Variants in NRDC observed in about 807,000 individuals in gnomAD.
The protein encoded by NRDC is nardilysin convertase.
NRDC carries 54 observed loss-of-function variants against 147.1 expected under a neutral mutation model. That is an observed-to-expected ratio of 0.37 (90% CI 0.29 to 0.46). The LOEUF (loss-of-function observed/expected upper bound fraction) is 0.46, where lower values mean the gene tolerates loss of function less well. Among genes scored for constraint, NRDC ranks in the 20% least tolerant of loss-of-function variants. The pLI, the probability that NRDC is intolerant of heterozygous loss-of-function variation, is 1.00. For synonymous variants in NRDC, 440 were observed against 482.1 expected (o/e 0.91, Z 1.14); for missense variants, 1,082 against 1,370.6 (o/e 0.79, Z 3.33).
intron 1 of NRDC, among the ~76,000 whole-genome samples, chr1:51,867,681 T>C (rs936746467): frequency 1.8e-4 from 28 of 152,158 alleles, no homozygotes; most frequent in African/African-American, 3.9e-4. Flanking sequence ...TGCTGATAGG[T>C]TGAGTAAGAT....
At chr1:51,829,002 T>C (rs138500002) in intron 4 of NRDC, among the ~76,000 whole-genome samples, 41 of 152,334 alleles carry the variant, frequency 2.7e-4, no homozygotes, top group African/African-American at 9.6e-4. Flanking sequence ...CTAGATATAT[T>C]GGGGCATTTT....
intron 1 of NRDC, among the ~76,000 whole-genome samples, chr1:51,876,974 G>A (rs1342309906): frequency 6.6e-6 from 1 of 151,948 alleles, no homozygotes; most frequent in African/African-American, 2.4e-5. Flanking sequence ...GGATCACAAG[G>A]TCAAGAGATC....
chr1:51,796,119 G>A (rs779647630), intron 22 of NRDC, among the ~76,000 whole-genome samples: 2 of 151,870 alleles, frequency 1.3e-5, no homozygotes, highest in Non-Finnish European at 2.9e-5. Flanking sequence ...GAGCTCAAGC[G>A]ATTCTGCCAC....
intron 11 of NRDC, 110 bp from the exon 12 acceptor site, chr1:51,814,923 C>T (rs1571861513): frequency 8.4e-7 from 1 of 1,185,644 alleles, no homozygotes. Context: ...GAAATCTCAG[C>T]CTTTGAATGT....
At chr1:51,829,276 G>C (rs1050033800) in intron 4 of NRDC, among the ~76,000 whole-genome samples, 11 of 152,156 alleles carry the variant, frequency 7.2e-5, no homozygotes, top group African/African-American at 2.7e-4. Context: ...CAGCTGCTGG[G>C]CTCAAGTGAT....
In NRDC at chr1:51,878,391, G is replaced by T. The variant is rs974257552; in HGVS notation, c.225C>A (p.Asn75Lys). ...CCGCTCCTAGACGGGCAACCCGGCT[G>T]TTCTCGCCCAGATCCTGTCCATTGG... ...LQPNGQDLGE[N>K]SRVARLGADE... is the part of the protein sequence containing the mutation. The change falls in exon 1 of 31, where the codon AAC becomes AAA. Residue 75 changes from asparagine (N) to lysine (K), a missense_variant. Around this residue, in one of 3 missense-constraint regions of NRDC, gnomAD observed 260 missense variants for 253.2 expected, o/e 1.03. Coordinates refer to ENST00000352171, the MANE Select transcript of NRDC (RefSeq NM_001101662.2). The T allele has an allele frequency of 6.2e-7, 1 of 1,614,058 alleles. No homozygotes were observed. Among genetic ancestry groups the T allele is most frequent in the African/African-American group, 1.3e-5 (1 of 74,916 alleles).
chr1:51,805,756 C>G (rs1368989498), intron 18 of NRDC, among the ~76,000 whole-genome samples, 195 bp from the exon 19 acceptor site: 1 of 152,068 alleles, frequency 6.6e-6, no homozygotes, highest in Non-Finnish European at 1.5e-5. Context: ...CCAAAAGGCA[C>G]TCTTTAATCT....
At chr1:51,856,466 G>T (rs970016181) in intron 1 of NRDC, among the ~76,000 whole-genome samples, 1 of 152,144 alleles carries the variant, frequency 6.6e-6, no homozygotes, top group African/African-American at 2.4e-5. Context: ...GGGTTCCCAC[G>T]ACCTCCTCTT....
At chr1:51,872,362 A>T (rs1683126744) in intron 1 of NRDC, among the ~76,000 whole-genome samples, 1 of 152,176 alleles carries the variant, frequency 6.6e-6, no homozygotes, top group Non-Finnish European at 1.5e-5. Context: ...AACTTCAGTT[A>T]GAAACAATAT....
chr1:51,836,241 T>C (rs763093876), intron 2 of NRDC, 29 bp from the exon 3 acceptor site: 2 of 1,606,732 alleles, frequency 1.2e-6, no homozygotes, highest in South Asian at 1.1e-5. Flanking sequence ...ATACAAATAG[T>C]TGAGTCAACC....
At chr1:51,825,225 C>G in intron 6 of NRDC, 62 bp downstream of exon 6, 11 of 1,113,746 alleles carry the variant, frequency 9.9e-6, no homozygotes, top group Non-Finnish European at 1.3e-6. Context: ...TCTTTATCAA[C>G]TTTTCTTATT....
intron 4 of NRDC, among the ~76,000 whole-genome samples, chr1:51,830,594 T>TA (rs1011879867): frequency 6.6e-6 from 1 of 152,226 alleles, no homozygotes; most frequent in African/African-American, 2.4e-5. Context: ...ATCTAGGCTA[T>TA]AACTACTCAG....
At chr1:51,810,162 G>T in intron 16 of NRDC, 119 bp downstream of exon 16, 1 of 651,068 alleles carries the variant, frequency 1.5e-6, no homozygotes, top group Non-Finnish European at 2.3e-6. Flanking sequence ...TCATTTCAAA[G>T]TGAACTTTTT....
At chr1:51,862,240 T>C (rs1682576507) in intron 1 of NRDC, 1 of 151,464 alleles carries the variant, frequency 6.6e-6, no homozygotes, top group Non-Finnish European at 1.5e-5. Flanking sequence ...TATACGTATA[T>C]AGGGCTTTCC....
intron 11 of NRDC, among the ~76,000 whole-genome samples, chr1:51,815,397 A>G (rs1366757655): frequency 6.6e-6 from 1 of 152,130 alleles, no homozygotes; most frequent in Non-Finnish European, 1.5e-5. Flanking sequence ...ATGTCAAGTG[A>G]GTTCTTTGAG....
chr1:51,814,114 G>C, intron 13 of NRDC, 25 bp from the exon 14 acceptor site: 1 of 1,460,256 alleles, frequency 6.8e-7, no homozygotes, highest in Non-Finnish European at 9.6e-7. Context: ...ACTATAATTA[G>C]AAGATACATT....
At chr1:51,859,101 A>G (rs2124061609) in intron 1 of NRDC, among the ~76,000 whole-genome samples, 1 of 152,308 alleles carries the variant, frequency 6.6e-6, no homozygotes, top group East Asian at 1.9e-4. Flanking sequence ...GTCCCATTAG[A>G]AATGCAAATT....
Position 51,806,778 on chromosome 1 carries a change from G to A in NRDC, c.2110+16C>T, listed in dbSNP as rs759132814. 7 of 1,610,980 alleles carry A rather than the reference G, an allele frequency of 4.3e-6. No homozygotes were observed. Among genetic ancestry groups the A allele is most frequent in the Non-Finnish European group, 5.9e-6 (7 of 1,178,394 alleles). ...CTGGAATTCAGCAGGGAAGTAACAG[G>A]AGGGCAACATTTTACCTTTGGGGAT... is the stretch of plus-strand genomic sequence containing the variant. On this transcript the variant is annotated intron_variant, in intron 18 of 30. Coordinates refer to ENST00000352171, the MANE Select transcript of NRDC (RefSeq NM_001101662.2).
chr1:51,877,243 G>T (rs1026140033), intron 1 of NRDC, among the ~76,000 whole-genome samples: 4 of 152,116 alleles, frequency 2.6e-5, no homozygotes, highest in Non-Finnish European at 5.9e-5. Flanking sequence ...GATAGTAGGG[G>T]TCATCATACC....
Sources: gnomAD v4.1 joint callset for allele counts (sites outside exome capture counted in the v4.1 genomes callset) on GRCh38, gnomAD v4.1.1 for gene constraint, gnomAD v4.1.1 regional missense constraint, MANE v1.5 for transcripts, NCBI Gene and HGNC (gene_info 2026-07-23, HGNC 2026-07-21) for gene names.